Variants in MALRD1 observed in about 807,000 individuals in gnomAD.
MALRD1 encodes the protein MAM and LDL-receptor class A domain-containing protein 1.
Under a neutral mutation model 242.1 loss-of-function variants are expected in MALRD1, and 247 were observed. That is an observed-to-expected ratio of 1.02 (90% CI 0.92 to 1.13). The LOEUF (loss-of-function observed/expected upper bound fraction) is 1.13, where lower values mean the gene tolerates loss of function less well. MALRD1 is among the 50% of genes most tolerant of loss of function. The pLI is 0.00. For synonymous variants in MALRD1, 995 were observed against 866.6 expected (o/e 1.15, Z -2.60); for missense variants, 2,989 against 2,533.1 (o/e 1.18, Z -3.86).
intron 36 of MALRD1, among the ~76,000 whole-genome samples, chr10:19,682,006 G>A (rs1192658051): frequency 1.3e-5 from 2 of 151,724 alleles, no homozygotes; most frequent in Non-Finnish European, 2.9e-5. Context: ...TAATTTCTGG[G>A]ATACCAACAT....
chr10:19,587,106 A>G (rs539415598), intron 33 of MALRD1, among the ~76,000 whole-genome samples: 6 of 152,192 alleles, frequency 3.9e-5, no homozygotes, highest in Non-Finnish European at 7.3e-5. Context: ...GCATGCACCC[A>G]CTGACCTGCG....
intron 33 of MALRD1, among the ~76,000 whole-genome samples, chr10:19,593,841 T>C (rs1163008284): frequency 6.6e-6 from 1 of 152,204 alleles, no homozygotes; most frequent in Non-Finnish European, 1.5e-5. Context: ...CTTCAGTGTC[T>C]TCGTTTGTAA....
At chr10:19,348,136 A>G in intron 25 of MALRD1, 118 bp downstream of exon 25, 4 of 1,332,486 alleles carry the variant, frequency 3.0e-6, no homozygotes, top group Non-Finnish European at 4.0e-6. Flanking sequence ...GTTTGAATTT[A>G]TTCAACTTTG....
chr10:19,436,679 G>T (rs183067863), intron 28 of MALRD1, among the ~76,000 whole-genome samples: 1 of 152,106 alleles, frequency 6.6e-6, no homozygotes, highest in African/African-American at 2.4e-5. Flanking sequence ...CCACTCATCC[G>T]TCTATGAGGT....
intron 5 of MALRD1, among the ~76,000 whole-genome samples, chr10:19,117,475 A>T (rs1354032800): frequency 6.6e-6 from 1 of 151,422 alleles, no homozygotes; most frequent in Admixed American, 6.6e-5. Flanking sequence ...GTAAATAGTG[A>T]TGAATTAGAG....
At chr10:19,532,740 T>G (rs1204388228) in intron 32 of MALRD1, among the ~76,000 whole-genome samples, 1 of 56,772 alleles carries the variant, frequency 1.8e-5, no homozygotes, top group Non-Finnish European at 4.7e-5. Context: ...GAATTTATCC[T>G]GACTCTGTGT....
At chr10:19,381,525 C>A (rs188666453) in intron 26 of MALRD1, among the ~76,000 whole-genome samples, 5 of 151,960 alleles carry the variant, frequency 3.3e-5, no homozygotes, top group Admixed American at 6.6e-5. Flanking sequence ...TTCATTATAA[C>A]CTCATTGAAA....
At chr10:19,488,870 G>A in intron 29 of MALRD1, 2 of 354,030 alleles carry the variant, frequency 5.6e-6, no homozygotes, top group South Asian at 4.2e-5. Context: ...TGCAGAGTTA[G>A]GATTTTTGTT....
intron 1 of MALRD1, among the ~76,000 whole-genome samples, chr10:19,061,862 T>G (rs1486462390): frequency 6.6e-6 from 1 of 152,134 alleles, no homozygotes. Flanking sequence ...TTCATAATAT[T>G]AGATGTGGTA....
intron 31 of MALRD1, among the ~76,000 whole-genome samples, chr10:19,508,350 G>C (rs1380586439): frequency 6.6e-6 from 1 of 152,134 alleles, no homozygotes; most frequent in Non-Finnish European, 1.5e-5. Context: ...GTGAAAAAAA[G>C]AATTTATGTA....
intron 29 of MALRD1, among the ~76,000 whole-genome samples, chr10:19,464,577 T>C (rs1257438725): frequency 1.3e-5 from 2 of 152,198 alleles, no homozygotes; most frequent in African/African-American, 4.8e-5. Flanking sequence ...TATGTTCCTA[T>C]TTTTATACCA....
chr10:19,270,081 G>A (rs564754048), intron 19 of MALRD1, among the ~76,000 whole-genome samples: 17 of 152,208 alleles, frequency 1.1e-4, no homozygotes, highest in East Asian at 9.7e-4. Flanking sequence ...TTGGGAGGCC[G>A]AGGCGAGTGG....
At chr10:19,551,831 G>A (rs1242403981) in intron 32 of MALRD1, among the ~76,000 whole-genome samples, 2 of 151,972 alleles carry the variant, frequency 1.3e-5, no homozygotes, top group Non-Finnish European at 2.9e-5. Flanking sequence ...AAGCCTTTTT[G>A]CATCTATTGA....
intron 32 of MALRD1, among the ~76,000 whole-genome samples, chr10:19,564,028 C>G (rs1475695432): frequency 6.6e-6 from 1 of 152,190 alleles, no homozygotes; most frequent in Non-Finnish European, 1.5e-5. Context: ...ATTCTTGAAG[C>G]CTCCCCAGAA....
At chr10:19,719,717 T>C (rs1324339341) in intron 38 of MALRD1, among the ~76,000 whole-genome samples, 1 of 152,206 alleles carries the variant, frequency 6.6e-6, no homozygotes, top group Admixed American at 6.5e-5. Flanking sequence ...CCCAAACATT[T>C]GGTTCAGTTT....
chr10:19,498,443 T>C (rs1404908342), intron 30 of MALRD1, 42 bp from the exon 31 acceptor site: 6 of 1,504,342 alleles, frequency 4.0e-6, no homozygotes, highest in South Asian at 1.2e-5. Flanking sequence ...GCAAATGTGA[T>C]AGACATTTCC....
chr10:19,269,758 G>A (rs1360533344), intron 19 of MALRD1, among the ~76,000 whole-genome samples: 1 of 152,184 alleles, frequency 6.6e-6, no homozygotes, highest in African/African-American at 2.4e-5. Flanking sequence ...TACTTGGTTT[G>A]TAAAATTTCC....
Position 19,204,292 on chromosome 10 carries a change from T to TA in MALRD1, c.2105-16_2105-15insA. The TA allele has an allele frequency of 6.7e-7, 1 of 1,488,960 alleles. No homozygotes were observed. The highest frequency in any genetic ancestry group is 9.0e-7 in the Non-Finnish European group (1 of 1,115,034). 92.2% of individuals were successfully genotyped at this position (1,488,960 alleles called of 1,614,324 possible). A position where few individuals can be genotyped will look rare whatever the true frequency, so the allele number is the denominator to read the frequency against. ...TAGGTTAATGAAGCGTTTTTTTTTT[T>TA]TTTTTATCTCAACAGGGCATTTTAT... On this transcript the variant is annotated splice_polypyrimidine_tract_variant and intron_variant, in intron 15 of 39. Transcript: ENST00000454679.
intron 38 of MALRD1, among the ~76,000 whole-genome samples, chr10:19,706,560 C>T (rs1833875502): frequency 6.6e-6 from 1 of 152,040 alleles, no homozygotes; most frequent in African/African-American, 2.4e-5. Flanking sequence ...CCACATGGGC[C>T]AGGCTAGTCT....
Sources: allele counts gnomAD v4.1 joint callset (sites outside exome capture counted in the v4.1 genomes callset), GRCh38; gene constraint gnomAD v4.1.1; transcripts MANE v1.5; gene names NCBI Gene and HGNC (gene_info 2026-07-23, HGNC 2026-07-21).